FARP2: variants seen among roughly 807,000 people sequenced by gnomAD.
The protein encoded by FARP2 is FERM, ARHGEF and pleckstrin domain-containing protein 2.
Under a neutral mutation model 130.5 loss-of-function variants are expected in FARP2, and 111 were observed. That is an observed-to-expected ratio of 0.85 (90% CI 0.73 to 1.00). The LOEUF is 1.00. FARP2 is among the 50% of genes least tolerant of loss of function. The pLI, the probability that FARP2 is intolerant of heterozygous loss-of-function variation, is 0.00. For synonymous variants in FARP2, 504 were observed against 516.9 expected (o/e 0.98, Z 0.34); for missense variants, 1,385 against 1,346.3 (o/e 1.03, Z -0.45).
chr2:241,438,546 G>A (rs1156502233), intron 12 of FARP2, among the ~76,000 whole-genome samples: 1 of 151,496 alleles, frequency 6.6e-6, no homozygotes, highest in Admixed American at 6.6e-5. Flanking sequence ...AACAGGGTAA[G>A]AATGTCTCAA....
intron 12 of FARP2, 122 bp from the exon 13 acceptor site, chr2:241,441,181 AT>A: frequency 1.2e-6 from 1 of 849,612 alleles, no homozygotes; most frequent in Non-Finnish European, 1.8e-6. Flanking sequence ...TGAATTGCCC[AT>A]TTTCATGAAA....
intron 9 of FARP2, among the ~76,000 whole-genome samples, chr2:241,433,529 T>A (rs2063144569): frequency 6.6e-6 from 1 of 152,176 alleles, no homozygotes; most frequent in African/African-American, 2.4e-5. Context: ...AATTCAGTAA[T>A]AACATGTAAA....
chr2:241,420,567 C>T (rs2062780274), intron 8 of FARP2, among the ~76,000 whole-genome samples: 1 of 152,158 alleles, frequency 6.6e-6, no homozygotes. Flanking sequence ...CTGAAATGAG[C>T]AGGATACCAT....
chr2:241,491,409 G>C (rs1482826036), intron 23 of FARP2, 107 bp from the exon 24 acceptor site: 2 of 1,269,984 alleles, frequency 1.6e-6, no homozygotes, highest in South Asian at 1.3e-5. Flanking sequence ...TAGCACCAAG[G>C]GCTCCCCATT....
chr2:241,431,411 G>A (rs1406219799), intron 8 of FARP2, among the ~76,000 whole-genome samples: 2 of 45,560 alleles, frequency 4.4e-5, no homozygotes, highest in South Asian at 2.3e-3. Context: ...GGAGTTTGAG[G>A]CTGCAGTGAG....
At chr2:241,469,733 G>A (rs976486563) in intron 18 of FARP2, among the ~76,000 whole-genome samples, 17 of 152,336 alleles carry the variant, frequency 1.1e-4, no homozygotes, top group African/African-American at 2.6e-4. Flanking sequence ...GCCTGGGCCC[G>A]GGCCACCAGG....
intron 7 of FARP2, among the ~76,000 whole-genome samples, chr2:241,414,021 G>T (rs1469539095): frequency 2.0e-5 from 3 of 151,930 alleles, no homozygotes; most frequent in Non-Finnish European, 4.4e-5. Flanking sequence ...GGTGGCTATT[G>T]GGGGGGTGTC....
chr2:241,465,571 G>A lies in FARP2; in HGVS notation c.1893+1591G>A, dbSNP rs185497947. ...GAGATTTCTCTTCAATAGGAGCAAC[G>A]GTACAGGTGTTCACATGTGGACAAC... On this transcript the variant is annotated intron_variant, in intron 17 of 26. Coordinates refer to ENST00000264042, the MANE Select transcript of FARP2 (RefSeq NM_014808.4). 2,264 of 1,550,554 alleles carry A rather than the reference G, an allele frequency of 1.5e-3. 4 individuals are homozygous for A. Among genetic ancestry groups the A allele is most frequent in the Non-Finnish European group, 1.8e-3 (2,013 of 1,146,960 alleles).
intron 11 of FARP2, among the ~76,000 whole-genome samples, chr2:241,435,700 A>G (rs1276905412): frequency 2.7e-5 from 4 of 150,768 alleles, no homozygotes; most frequent in African/African-American, 9.8e-5. Context: ...TTTAGTAGAG[A>G]TGGGGTTTCA....
intron 12 of FARP2, among the ~76,000 whole-genome samples, chr2:241,439,163 A>G (rs1255570839): frequency 1.3e-5 from 2 of 151,554 alleles, no homozygotes; most frequent in African/African-American, 2.4e-5. Flanking sequence ...CTACAGGTGC[A>G]TGCCACCGCA....
At chr2:241,451,627 T>C (rs2063660300) in intron 13 of FARP2, among the ~76,000 whole-genome samples, 2 of 152,210 alleles carry the variant, frequency 1.3e-5, no homozygotes, top group African/African-American at 4.8e-5. Flanking sequence ...TGTTTCTCAG[T>C]AGATGACCTC....
intron 8 of FARP2, among the ~76,000 whole-genome samples, chr2:241,422,702 C>A (rs1024172000): frequency 3.9e-5 from 6 of 152,162 alleles, no homozygotes; most frequent in Admixed American, 1.3e-4. Flanking sequence ...ATGTTGTAAC[C>A]CAATGCAAAG....
chr2:241,478,737 C>T, intron 19 of FARP2: 1 of 448,202 alleles, frequency 2.2e-6, no homozygotes, highest in Non-Finnish European at 4.5e-6. Flanking sequence ...AGCAAAACAT[C>T]ACAGGTGCCC....
Position 241,437,648 on chromosome 2 carries a change from A to ATATT in FARP2, c.1158+1132_1158+1135dup, listed in dbSNP as rs546520221. On this transcript the variant is annotated intron_variant, in intron 12 of 26. Coordinates refer to ENST00000264042, the MANE Select transcript of FARP2 (RefSeq NM_014808.4). The stretch of plus-strand genomic sequence containing the variant: ...GCCTCGCTGACATATACATATATAT[A>ATATT]TATTTATTTATTTATTTATTTATTT... Among the ~76,000 whole-genome samples the ATATT allele has an allele frequency of 4.0e-3, 559 of 139,520 alleles. 2 individuals carry two copies. Among genetic ancestry groups the ATATT allele is most frequent in the Non-Finnish European group, 5.9e-3 (387 of 65,050 alleles). 91.5% of individuals were successfully genotyped at this position (139,520 alleles called of 152,430 possible).
chr2:241,493,123 G>C, intron 25 of FARP2, 87 bp downstream of exon 25: 4 of 1,140,750 alleles, frequency 3.5e-6, no homozygotes, highest in Non-Finnish European at 5.3e-6. Context: ...TTGTATTTTG[G>C]TTCTGCCCTC....
In FARP2 at chr2:241,494,018, G is replaced by C; in HGVS notation, c.3058G>C (p.Val1020Leu). ...CGCCCTCTCCTCCAGGTGGATGGAGGTGATCCAGGGGGCCAGCAGCTCAGC... is the reference window on the plus strand; with the variant it reads ...CGCCCTCTCCTCCAGGTGGATGGAGCTGATCCAGGGGGCCAGCAGCTCAGC... ...SKYTFERWME[V>L]IQGASSSAGR... Residue 1020 changes from valine (V) to leucine (L), a missense_variant, in exon 27 of 27, where the codon GTG (valine) becomes CTG (leucine). By Grantham distance (32) the Val-to-Leu change is conservative. Transcript: ENST00000264042. This position sits in a 1 kb window ranked among gnomAD's most constrained non-coding sequence, Gnocchi z 4.9. 1 of 1,392,510 alleles carries C rather than the reference G, an allele frequency of 7.2e-7. No homozygotes were observed. Among genetic ancestry groups the C allele is most frequent in the Non-Finnish European group, 9.3e-7 (1 of 1,070,602 alleles). 86.3% of individuals were successfully genotyped at this position (1,392,510 alleles called of 1,614,324 possible). A position where few individuals can be genotyped will look rare whatever the true frequency, so the allele number is the denominator to read the frequency against.
chr2:241,478,538 A>G (rs558764293), intron 19 of FARP2: 8 of 425,236 alleles, frequency 1.9e-5, no homozygotes, highest in African/African-American at 4.1e-5. Flanking sequence ...TAACCCCGAC[A>G]AGGATGAAAC....
intron 2 of FARP2, among the ~76,000 whole-genome samples, chr2:241,386,470 A>C (rs1172788427): frequency 6.6e-6 from 1 of 152,138 alleles, no homozygotes; most frequent in Admixed American, 6.5e-5. Flanking sequence ...GCCGGCTCAG[A>C]TCTGTCTCCC....
chr2:241,423,986 T>TA (rs2062871152), intron 8 of FARP2, among the ~76,000 whole-genome samples: 2 of 152,152 alleles, frequency 1.3e-5, no homozygotes, highest in African/African-American at 4.8e-5. Flanking sequence ...AAAAACGACT[T>TA]AGACTCCCAC....
Sources: gnomAD v4.1 joint callset for allele counts (sites outside exome capture counted in the v4.1 genomes callset) on GRCh38, gnomAD v4.1.1 for gene constraint, Gnocchi (gnomAD v3.1) non-coding constraint, MANE v1.5 for transcripts, NCBI Gene and HGNC (gene_info 2026-07-23, HGNC 2026-07-21) for gene names.